The following KCNH7 variants were observed in gnomAD, a reference collection of about 807,000 sequenced individuals.
KCNH7 encodes voltage-gated inwardly rectifying potassium channel KCNH7.
Under a neutral mutation model 120.8 loss-of-function variants are expected in KCNH7, and 49 were observed. That is an observed-to-expected ratio of 0.41 (90% CI 0.32 to 0.51). The LOEUF is 0.51. KCNH7 is among the 20% of genes least tolerant of loss of function. KCNH7 has a pLI of 0.38. For synonymous variants in KCNH7, 547 were observed against 516.1 expected (o/e 1.06, Z -0.81); for missense variants, 1,097 against 1,446.6 (o/e 0.76, Z 3.92).
At chr2:162,560,846 T>G (rs1407258789) in intron 2 of KCNH7, among the ~76,000 whole-genome samples, 3 of 152,146 alleles carry the variant, frequency 2.0e-5, no homozygotes, top group African/African-American at 7.2e-5. Flanking sequence ...AGAAAATTAA[T>G]GGGGTTGCAA....
At chr2:162,514,063 A>T (rs1362169368) in intron 4 of KCNH7, among the ~76,000 whole-genome samples, 1 of 151,854 alleles carries the variant, frequency 6.6e-6, no homozygotes. Flanking sequence ...CCAAGATTTG[A>T]AAAATCTGTT....
chr2:162,423,017 T>C (rs1475986966), intron 9 of KCNH7, among the ~76,000 whole-genome samples: 1 of 152,168 alleles, frequency 6.6e-6, no homozygotes, highest in South Asian at 2.1e-4. Flanking sequence ...TTTGGGGGTG[T>C]TGGCAATGAG....
At chr2:162,746,106 A>C (rs1368061882) in intron 2 of KCNH7, among the ~76,000 whole-genome samples, 5 of 152,130 alleles carry the variant, frequency 3.3e-5, no homozygotes, top group Non-Finnish European at 7.4e-5. Context: ...CTTTAAAAAT[A>C]AGTATAAAAC....
Position 162,455,700 on chromosome 2 carries a change from T to G in KCNH7, c.1129-9257A>C, listed in dbSNP as rs186000927. Among the ~76,000 whole-genome samples the G allele has an allele frequency of 3.3e-5, 5 of 152,316 alleles. No individual in the cohort carries two copies. In the East Asian group the frequency reaches 9.6e-4, roughly 29 times the overall value. On this transcript the variant is annotated intron_variant, in intron 6 of 15. Transcript: ENST00000332142. Reference sequence around the variant, plus strand: ...TGTGTCCAGGAATTTATCCATTTCTTCTAGATTTTCTAGTTTATTTGCATA... The same window carrying G: ...TGTGTCCAGGAATTTATCCATTTCTGCTAGATTTTCTAGTTTATTTGCATA...
At chr2:162,599,204 C>CAAAAAATA (rs1694473040) in intron 2 of KCNH7, among the ~76,000 whole-genome samples, 3 of 150,768 alleles carry the variant, frequency 2.0e-5, no homozygotes, top group African/African-American at 7.3e-5. Context: ...GACTCTGTCT[C>CAAAAAATA]AAAAAATAAA....
intron 2 of KCNH7, among the ~76,000 whole-genome samples, chr2:162,728,132 G>A (rs1327779634): frequency 3.3e-5 from 5 of 149,654 alleles, no homozygotes. Context: ...GACAGCTCTA[G>A]TTGATACACT....
chr2:162,580,304 A>G (rs1209923363), intron 2 of KCNH7, among the ~76,000 whole-genome samples: 1 of 152,072 alleles, frequency 6.6e-6, no homozygotes, highest in African/African-American at 2.4e-5. Flanking sequence ...AATAACAAGA[A>G]ATGAATGAGA....
At chr2:162,458,752 G>A (rs1017502651) in intron 6 of KCNH7, among the ~76,000 whole-genome samples, 1 of 152,128 alleles carries the variant, frequency 6.6e-6, no homozygotes, top group Non-Finnish European at 1.5e-5. Context: ...GACGATGTGA[G>A]GTAGAGGCAT....
intron 6 of KCNH7, among the ~76,000 whole-genome samples, chr2:162,475,071 G>T (rs533648870): frequency 6.6e-6 from 1 of 152,306 alleles, no homozygotes; most frequent in East Asian, 1.9e-4. Context: ...ACAAAGGCTT[G>T]TTGTCTTCAG....
chr2:162,512,788 A>G lies in KCNH7; in HGVS notation c.893-114T>C. ...AATCAGAGAAATCAGAATATGATGG[A>G]AAATTTCTCTTTAATTGAAATTAAC... is the stretch of plus-strand genomic sequence containing the variant. On this transcript the variant is annotated intron_variant, in intron 4 of 15. Transcript: ENST00000332142. 5 of 788,000 alleles carry G rather than the reference A, an allele frequency of 6.3e-6. No homozygotes were observed. In the South Asian group the frequency reaches 7.7e-5, roughly 12 times the overall value. The allele number at this position is 788,000 out of a possible 1,614,324, so 48.8% of individuals were successfully genotyped here.
intron 2 of KCNH7, among the ~76,000 whole-genome samples, chr2:162,835,892 T>C (rs1212352975): frequency 1.3e-5 from 2 of 152,110 alleles, no homozygotes; most frequent in African/African-American, 4.8e-5. Context: ...GTTATAAAAA[T>C]CAATACTAAT....
At chr2:162,681,975 T>A (rs927865223) in intron 2 of KCNH7, among the ~76,000 whole-genome samples, 1 of 151,714 alleles carries the variant, frequency 6.6e-6, no homozygotes, top group African/African-American at 2.4e-5. Context: ...AGGAAATTAA[T>A]TTTTTCTGTG....
chr2:162,371,732 G>T lies in KCNH7; in HGVS notation c.*97C>A. 1 of 1,173,354 alleles carries T rather than the reference G, an allele frequency of 8.5e-7. No homozygotes were observed. The highest frequency in any genetic ancestry group is 1.2e-6 in the Non-Finnish European group (1 of 838,612). 72.7% of individuals were successfully genotyped at this position (1,173,354 alleles called of 1,614,324 possible). ...GTACTTTTGCATATAATGGTACCTTGTGAGCCCCTGAGTCAAGTAGAGAGG... is the reference window on the plus strand; with the variant it reads ...GTACTTTTGCATATAATGGTACCTTTTGAGCCCCTGAGTCAAGTAGAGAGG... On this transcript the variant is annotated 3_prime_UTR_variant, in exon 16 of 16. Transcript: ENST00000332142.
chr2:162,810,693 T>A (rs1380675468), intron 2 of KCNH7, among the ~76,000 whole-genome samples: 2 of 152,188 alleles, frequency 1.3e-5, no homozygotes, highest in African/African-American at 2.4e-5. Context: ...AACTATTTTT[T>A]AAATTTTAAA....
At chr2:162,584,673 G>T (rs1054355038) in intron 2 of KCNH7, among the ~76,000 whole-genome samples, 27 of 151,946 alleles carry the variant, frequency 1.8e-4, no homozygotes, top group African/African-American at 6.5e-4. Flanking sequence ...TATTACAACT[G>T]GGGAATCTAG....
intron 2 of KCNH7, among the ~76,000 whole-genome samples, chr2:162,687,376 G>T (rs1685934052): frequency 6.6e-6 from 1 of 151,988 alleles, no homozygotes; most frequent in East Asian, 1.9e-4. Flanking sequence ...ATTAAATTGT[G>T]TACCTTTAAA....
chr2:162,419,134 CT>C (rs1422452442), intron 9 of KCNH7, among the ~76,000 whole-genome samples: 5 of 151,756 alleles, frequency 3.3e-5, no homozygotes, highest in Non-Finnish European at 5.9e-5. Flanking sequence ...CACCCCTTCT[CT>C]TTTCTTTCCT....
At chr2:162,478,378 A>G (rs75920367) in intron 6 of KCNH7, among the ~76,000 whole-genome samples, 5,813 of 152,278 alleles carry the variant, frequency 0.038, 174 homozygotes, top group Admixed American at 0.061. Context: ...GCTTGAGGTC[A>G]GGGGGCACCA....
chr2:162,832,017 T>C (rs1190699523), intron 2 of KCNH7, among the ~76,000 whole-genome samples: 1 of 152,156 alleles, frequency 6.6e-6, no homozygotes, highest in Non-Finnish European at 1.5e-5. Flanking sequence ...CAATTACAAC[T>C]GATCAAATTT....
Sources: allele counts gnomAD v4.1 joint callset (sites outside exome capture counted in the v4.1 genomes callset), GRCh38; gene constraint gnomAD v4.1.1; transcripts MANE v1.5; gene names NCBI Gene and HGNC (gene_info 2026-07-23, HGNC 2026-07-21).